The following NR3C2 variants were observed in gnomAD, a reference collection of about 807,000 sequenced individuals.
NR3C2 encodes the protein nuclear receptor subfamily 3 group C member 2.
NR3C2 carries 15 observed loss-of-function variants against 86.4 expected under a neutral mutation model. That is an observed-to-expected ratio of 0.17 (90% CI 0.12 to 0.27). The LOEUF (loss-of-function observed/expected upper bound fraction) is 0.27. Among genes scored for constraint, NR3C2 ranks in the 10% least tolerant of loss-of-function variants. The pLI is 1.00. For missense variants in NR3C2, 960 were observed against 1,195.6 expected, an observed-to-expected ratio of 0.80 and a Z score of 2.91; for synonymous variants, 458 against 450.5, an observed-to-expected ratio of 1.02 and a Z score of -0.21.
At chr4:148,328,335 A>C (rs138423360) in intron 2 of NR3C2, among the ~76,000 whole-genome samples, 51 of 152,354 alleles carry the variant, frequency 3.3e-4, no homozygotes, top group African/African-American at 1.2e-3. Context: ...AAAGAAAGGC[A>C]TTCATGTGAC....
chr4:148,442,859 C>T (rs1750422681), upstream of NR3C2: 4 of 985,260 alleles, frequency 4.1e-6, no homozygotes, highest in Admixed American at 1.8e-4. Context: ...CTGACCGACC[C>T]CAGGATATCT....
intron 2 of NR3C2, among the ~76,000 whole-genome samples, chr4:148,384,175 T>C (rs908866788): frequency 5.3e-5 from 8 of 151,998 alleles, no homozygotes; most frequent in African/African-American, 1.4e-4. Flanking sequence ...TGATTCATAT[T>C]TTCTATTACC....
At position 148,204,070 on chromosome 4, in the gene NR3C2, G is replaced by A. The variant is rs140921321; in HGVS notation, c.1898-9208C>T. On this transcript the variant is annotated intron_variant, in intron 3 of 8. Transcript: ENST00000358102. ...AAATTCCCACATAAACATTCTTCTT[G>A]TTGTGAAAGGTGTTCGTTTTTCATT... Among the ~76,000 whole-genome samples the A allele has an allele frequency of 8.5e-5, 13 of 152,050 alleles. No individual in the cohort carries two copies. The East Asian group carries it at 2.5e-3, about 29-fold the overall frequency.
intron 3 of NR3C2, among the ~76,000 whole-genome samples, chr4:148,218,613 A>C (rs12641471): frequency 0.53 from 80,116 of 151,878 alleles, 21,375 homozygotes; most frequent in South Asian, 0.6. Flanking sequence ...CCATTGTCAC[A>C]ATCCAGTTTT....
chr4:148,349,535 T>C (rs562262086), intron 2 of NR3C2, among the ~76,000 whole-genome samples: 1 of 152,234 alleles, frequency 6.6e-6, no homozygotes, highest in Non-Finnish European at 1.5e-5. Context: ...TAAAGGTTCC[T>C]ACAAAATAGA....
chr4:148,316,926 T>C (rs1485370990), intron 2 of NR3C2, among the ~76,000 whole-genome samples: 1 of 151,988 alleles, frequency 6.6e-6, no homozygotes, highest in East Asian at 1.9e-4. Context: ...CTAGGCCTCC[T>C]GAGTAGCTGG....
At chr4:148,184,718 C>A (rs1337665997) in intron 4 of NR3C2, among the ~76,000 whole-genome samples, 1 of 152,120 alleles carries the variant, frequency 6.6e-6, no homozygotes, top group African/African-American at 2.4e-5. Context: ...TACTTTACAA[C>A]CAATGGCTGT....
chr4:148,241,250 G>C (rs1452898830), intron 3 of NR3C2, among the ~76,000 whole-genome samples: 1 of 121,274 alleles, frequency 8.2e-6, no homozygotes, highest in African/African-American at 3.2e-5. Context: ...AGGTTGCAGT[G>C]AGCAAAGATT....
chr4:148,120,324 A>G, intron 6 of NR3C2, 36 bp from the exon 7 acceptor site: 1 of 1,613,436 alleles, frequency 6.2e-7, no homozygotes, highest in South Asian at 1.1e-5. Context: ...TGAGAATGCA[A>G]GATTCATTAT....
intron 2 of NR3C2, among the ~76,000 whole-genome samples, chr4:148,298,777 T>C (rs1742186035): frequency 6.6e-6 from 1 of 152,256 alleles, no homozygotes; most frequent in Non-Finnish European, 1.5e-5. Context: ...ACAAATGCTA[T>C]TTCAAATATG....
intron 2 of NR3C2, among the ~76,000 whole-genome samples, chr4:148,349,878 A>C (rs975789524): frequency 8.5e-5 from 13 of 152,276 alleles, no homozygotes; most frequent in African/African-American, 3.1e-4. Context: ...ACCGCTCCCA[A>C]GGTAATGTTA....
At position 148,078,859 on chromosome 4, in the gene NR3C2, CTAAT is replaced by C. The variant is rs1420151120; in HGVS notation, c.*2481_*2484del. On this transcript the variant is annotated 3_prime_UTR_variant, in exon 9 of 9. Coordinates refer to ENST00000358102, the MANE Select transcript of NR3C2 (RefSeq NM_000901.5). ...AAGATATAAATTGCTTCATTTTAAA[CTAAT>C]TTAGTGTTTCTTTAAATTATATGAA... The C allele has an allele frequency of 1.3e-5, 2 of 152,606 alleles. No homozygotes were observed. The highest frequency in any genetic ancestry group is 2.9e-5 in the Non-Finnish European group (2 of 68,046). The allele number at this position is 152,606 out of a possible 1,614,324, so 9.5% of individuals were successfully genotyped here.
rs72655222 is a variant in NR3C2 at position 148,251,625 on chromosome 4, A to G, written c.1897+8353T>C. On this transcript the variant is annotated intron_variant, in intron 3 of 8. Transcript: ENST00000358102. ...GCCTGATAGGCTACATCTAATTTTTATCACACACAGGAAATGAAACACAGG... is the reference window on the plus strand; with the variant it reads ...GCCTGATAGGCTACATCTAATTTTTGTCACACACAGGAAATGAAACACAGG... Among the ~76,000 whole-genome samples, 234 of 152,324 alleles carry G rather than the reference A, an allele frequency of 1.5e-3. 1 individual carries two copies. The highest frequency in any genetic ancestry group is 5.2e-3 in the African/African-American group (217 of 41,580).
chr4:148,139,968 A>G (rs952389272), intron 6 of NR3C2, among the ~76,000 whole-genome samples: 1 of 152,226 alleles, frequency 6.6e-6, no homozygotes, highest in Admixed American at 6.5e-5. Flanking sequence ...AGAAATGTCT[A>G]AAGACATAAG....
Position 148,257,471 on chromosome 4 carries a change from G to A in NR3C2, c.1897+2507C>T, listed in dbSNP as rs1013830837. Among the ~76,000 whole-genome samples the A allele has an allele frequency of 3.3e-5, 5 of 152,234 alleles. 1 individual carries two copies. Among genetic ancestry groups the A allele is most frequent in the Admixed American group, 2.6e-4 (4 of 15,276 alleles). On this transcript the variant is annotated intron_variant, in intron 3 of 8. Transcript: ENST00000358102. ...GAATCCAGACTTTAGGTTAGGTGTA[G>A]GTTTGGAGTCCTATGACTTGAGTAA...
intron 2 of NR3C2, among the ~76,000 whole-genome samples, chr4:148,265,809 T>C (rs1740356722): frequency 6.6e-6 from 1 of 152,130 alleles, no homozygotes; most frequent in Non-Finnish European, 1.5e-5. Context: ...CTGAACATGC[T>C]GGTGTGTTTA....
rs1353168469 is a variant in NR3C2 at position 148,081,710 on chromosome 4, CAA to C, written c.2800-213_2800-212del. Among the ~76,000 whole-genome samples, 12 of 152,300 alleles carry C rather than the reference CAA, an allele frequency of 7.9e-5. No homozygotes were observed. The East Asian group carries it at 2.3e-3, about 29-fold the overall frequency. On this transcript the variant is annotated intron_variant, in intron 8 of 8. Transcript: ENST00000358102. ...TCATCTGCCTTTCATGGAAAACAAA[CAA>C]ATTCAGCTGAGAGCTGAATTTTGAG...
intron 2 of NR3C2, among the ~76,000 whole-genome samples, chr4:148,364,315 A>G (rs1311246198): frequency 3.3e-5 from 5 of 152,208 alleles, no homozygotes; most frequent in Admixed American, 6.5e-5. Context: ...TGACTGACAC[A>G]CTGCTTTAGG....
chr4:148,436,427 T>C lies in NR3C2; in HGVS notation c.434A>G (p.Lys145Arg). 1.9e-6 allele frequency: 3 copies of C among 1,614,188 alleles called. No homozygotes were observed. The highest frequency in any genetic ancestry group is 2.7e-5 in the African/African-American group (2 of 75,062). ...QNVEQLVKFY[K>R]GNGHRPSTLS... Reference sequence around the variant, plus strand: ...AGTGGAAGGACGATGGCCATTTCCTTTGTAAAATTTCACCAGCTGTTCAAC... The same window carrying C: ...AGTGGAAGGACGATGGCCATTTCCTCTGTAAAATTTCACCAGCTGTTCAAC... The change falls in exon 2 of 9, where the codon AAA becomes AGA. Residue 145 changes from lysine (K) to arginine (R), a missense_variant. By Grantham distance (26) the Lys-to-Arg change is conservative (BLOSUM62 2). Coordinates refer to ENST00000358102, the MANE Select transcript of NR3C2 (RefSeq NM_000901.5).
Sources: gnomAD v4.1 joint callset for allele counts (sites outside exome capture counted in the v4.1 genomes callset) on GRCh38, gnomAD v4.1.1 for gene constraint, MANE v1.5 for transcripts, NCBI Gene and HGNC (gene_info 2026-07-23, HGNC 2026-07-21) for gene names.